The following CTIF variants were observed in gnomAD, a reference collection of about 807,000 sequenced individuals.
The protein encoded by CTIF is CBP80/20-dependent translation initiation factor.
Under a neutral mutation model 66.0 loss-of-function variants are expected in CTIF, and 21 were observed. The ratio of observed to expected loss-of-function variants is 0.32; its 90% CI spans 0.23 to 0.46. The LOEUF is 0.46. CTIF is among the 20% of genes least tolerant of loss of function. CTIF has a pLI of 1.00. For synonymous variants in CTIF, 345 were observed against 326.4 expected, an observed-to-expected ratio of 1.06 and a Z score of -0.62; for missense variants, 739 against 812.7, an observed-to-expected ratio of 0.91 and a Z score of 1.10.
chr18:48,675,904 A>G (rs929491954), intron 6 of CTIF, among the ~76,000 whole-genome samples: 1 of 152,304 alleles, frequency 6.6e-6, no homozygotes, highest in East Asian at 1.9e-4. Context: ...TTAATTTACT[A>G]AGTTCTGAAT....
intron 1 of CTIF, among the ~76,000 whole-genome samples, chr18:48,576,196 C>T (rs775652357): frequency 2.0e-5 from 3 of 152,244 alleles, no homozygotes; most frequent in Admixed American, 6.5e-5. Context: ...TGAGGCTGCC[C>T]GGGGCAGGGT....
rs76784757 is a variant in CTIF, at chr18:48,569,035, T to G, written c.-29+29723T>G. Among the ~76,000 whole-genome samples the G allele has an allele frequency of 8.0e-3, 1,225 of 152,256 alleles. 12 individuals are homozygous for G. The highest frequency in any genetic ancestry group is 0.028 in the African/African-American group (1,169 of 41,538). The stretch of plus-strand genomic sequence containing the variant: ...TGGTCACCTTCTTGCAGTGCCCTCA[T>G]GTGATTTTTCCTCTGGCTCTGTCTG... On this transcript the variant is annotated intron_variant, in intron 1 of 11. Transcript: ENST00000256413.
intron 3 of CTIF, among the ~76,000 whole-genome samples, chr18:48,656,684 A>G (rs2091252256): frequency 6.6e-6 from 1 of 152,134 alleles, no homozygotes; most frequent in South Asian, 2.1e-4. Context: ...GGGGCCCCCT[A>G]ATTGCCAATA....
chr18:48,571,747 A>C (rs1367816334), intron 1 of CTIF, among the ~76,000 whole-genome samples: 1 of 152,016 alleles, frequency 6.6e-6, no homozygotes, highest in Non-Finnish European at 1.5e-5. Context: ...TTGCTTGGAC[A>C]CTGTATACTG....
At chr18:48,646,901 CAAAAAA>C (rs35904615) in intron 3 of CTIF, among the ~76,000 whole-genome samples, 2,458 of 78,030 alleles carry the variant, frequency 0.032, 18 homozygotes, top group Admixed American at 0.077. Context: ...TTGGCAGTTT[CAAAAAA>C]AAAAAAAAAA....
At chr18:48,588,855 T>C (rs964658791) in intron 1 of CTIF, among the ~76,000 whole-genome samples, 1 of 152,226 alleles carries the variant, frequency 6.6e-6, no homozygotes, top group Non-Finnish European at 1.5e-5. Context: ...GACTTATCCT[T>C]GATCAAGGTC....
intron 6 of CTIF, among the ~76,000 whole-genome samples, chr18:48,676,451 T>G (rs1308133047): frequency 6.6e-6 from 1 of 152,174 alleles, no homozygotes; most frequent in Non-Finnish European, 1.5e-5. Flanking sequence ...CTTAGGAAAT[T>G]TTGAAACCAA....
intron 6 of CTIF, among the ~76,000 whole-genome samples, chr18:48,710,082 C>T (rs1484980317): frequency 6.6e-6 from 1 of 152,228 alleles, no homozygotes; most frequent in Non-Finnish European, 1.5e-5. Flanking sequence ...CCAGGGTGGT[C>T]AGTTTCCCCC....
Position 48,697,619 on chromosome 18 carries a change from T to C in CTIF, c.508-14000T>C, listed in dbSNP as rs544013598. Among the ~76,000 whole-genome samples, 12 of 152,276 alleles carry C rather than the reference T, an allele frequency of 7.9e-5. 1 individual carries two copies. The South Asian group carries it at 2.3e-3, about 29-fold the overall frequency. ...ATCAGTGGCTGACCATTCTCCAGTC[T>C]AACTCCAAATGCCAGGGCAGGAACC... On this transcript the variant is annotated intron_variant, in intron 6 of 11. Coordinates refer to ENST00000256413, the MANE Select transcript of CTIF (RefSeq NM_014772.3).
chr18:48,594,541 T>A (rs1233544490), intron 1 of CTIF, among the ~76,000 whole-genome samples: 2 of 152,116 alleles, frequency 1.3e-5, no homozygotes, highest in African/African-American at 4.8e-5. Flanking sequence ...TAGGGATTTC[T>A]GGAATGAGTC....
chr18:48,843,792 C>T (rs1293305870), intron 10 of CTIF, among the ~76,000 whole-genome samples: 2 of 152,162 alleles, frequency 1.3e-5, no homozygotes, highest in South Asian at 2.1e-4. Flanking sequence ...TGCCATCACC[C>T]CACCTTTGGC....
At chr18:48,597,161 C>G (rs1003130773) in intron 1 of CTIF, among the ~76,000 whole-genome samples, 1 of 152,218 alleles carries the variant, frequency 6.6e-6, no homozygotes, top group Non-Finnish European at 1.5e-5. Context: ...TCTTCGTTCA[C>G]TGCCTCATTC....
chr18:48,580,453 G>A (rs568454270), intron 1 of CTIF, among the ~76,000 whole-genome samples: 1 of 152,126 alleles, frequency 6.6e-6, no homozygotes, highest in African/African-American at 2.4e-5. Context: ...TCTAACTCTC[G>A]GGGGCCCTGT....
intron 3 of CTIF, among the ~76,000 whole-genome samples, chr18:48,647,229 T>C (rs1027470722): frequency 1.3e-5 from 2 of 152,212 alleles, no homozygotes; most frequent in East Asian, 3.8e-4. Context: ...ATTCCATTTA[T>C]ATAACATTCT....
intron 11 of CTIF, among the ~76,000 whole-genome samples, chr18:48,858,589 A>G (rs2069383112): frequency 6.6e-6 from 1 of 152,170 alleles, no homozygotes; most frequent in South Asian, 2.1e-4. Context: ...GACTAGAAAA[A>G]TGAATGGGAC....
chr18:48,560,711 C>G (rs1257108473), intron 1 of CTIF, among the ~76,000 whole-genome samples: 1 of 152,108 alleles, frequency 6.6e-6, no homozygotes, highest in East Asian at 1.9e-4. Context: ...GCTGGGTCTT[C>G]AGGCTCACAC....
chr18:48,697,424 C>T (rs2092022948), intron 6 of CTIF, among the ~76,000 whole-genome samples: 1 of 152,208 alleles, frequency 6.6e-6, no homozygotes, highest in African/African-American at 2.4e-5. Flanking sequence ...CTGGGATCAG[C>T]TTTGCATGGC....
chr18:48,577,963 T>A (rs116769527), intron 1 of CTIF, among the ~76,000 whole-genome samples: 398 of 152,328 alleles, frequency 2.6e-3, no homozygotes, highest in African/African-American at 9.3e-3. Context: ...TTTACGCCCA[T>A]TACCATAACT....
chr18:48,828,755 G>C (rs2068632612), intron 10 of CTIF, among the ~76,000 whole-genome samples: 1 of 152,226 alleles, frequency 6.6e-6, no homozygotes, highest in Non-Finnish European at 1.5e-5. Flanking sequence ...CCCAGCACGA[G>C]CTATAAATCC....
Sources: gnomAD v4.1 joint callset for allele counts (sites outside exome capture counted in the v4.1 genomes callset) on GRCh38, gnomAD v4.1.1 for gene constraint, MANE v1.5 for transcripts, NCBI Gene and HGNC (gene_info 2026-07-23, HGNC 2026-07-21) for gene names.